Variants in GMIP observed in about 807,000 individuals in gnomAD.
GMIP encodes GEM-interacting protein.
In GMIP, 54 loss-of-function variants were observed where a neutral mutation model predicts 105.3. The ratio of observed to expected loss-of-function variants is 0.51; its 90% CI spans 0.41 to 0.64. The LOEUF is 0.64. Ranked by LOEUF, GMIP falls within the 30% of genes least tolerant of loss-of-function variation. GMIP has a pLI of 0.00. For synonymous variants in GMIP, 541 were observed against 560.8 expected, an observed-to-expected ratio of 0.96 and a Z score of 0.50; for missense variants, 1,110 against 1,319.4, an observed-to-expected ratio of 0.84 and a Z score of 2.46.
Position 19,637,052 on chromosome 19 carries a change from G to A in GMIP, c.1125-23C>T. The A allele has an allele frequency of 6.7e-7, 1 of 1,493,996 alleles. No homozygotes were observed. Among genetic ancestry groups the A allele is most frequent in the Non-Finnish European group, 9.1e-7 (1 of 1,094,056 alleles). The allele number at this position is 1,493,996 out of a possible 1,614,324, so 92.5% of individuals were successfully genotyped here. A position where few individuals can be genotyped will look rare whatever the true frequency, so the allele number is the denominator to read the frequency against. On this transcript the variant is annotated intron_variant, in intron 11 of 20. Coordinates refer to ENST00000203556, the MANE Select transcript of GMIP (RefSeq NM_016573.4). The surrounding 1 kb of genome is among the most constrained non-coding windows in gnomAD (Gnocchi z 6.7). ...GAGCTGAGAAGACAGAAGTTTGAAGGTTTGAATCCCAGGAAACTGGCCTGG... is the reference window on the plus strand; with the variant it reads ...GAGCTGAGAAGACAGAAGTTTGAAGATTTGAATCCCAGGAAACTGGCCTGG...
At chr19:19,631,870 C>T (rs1167040441) in intron 19 of GMIP, among the ~76,000 whole-genome samples, 2 of 151,924 alleles carry the variant, frequency 1.3e-5, no homozygotes, top group Non-Finnish European at 2.9e-5. Context: ...TGCCTGTAGT[C>T]CCAGCTACTT....
At position 19,635,363 on chromosome 19, in the gene GMIP, G is replaced by T; in HGVS notation, c.1560+52C>A. The T allele has an allele frequency of 6.3e-7, 1 of 1,585,182 alleles. No homozygotes were observed. The highest frequency in any genetic ancestry group is 2.2e-5 in the East Asian group (1 of 44,620). ...AAAGGCTGTAGGAATCTCAGGTCAG[G>T]GAGATGATCAAGGGTCAGCAAAGGT... On this transcript the variant is annotated intron_variant, in intron 15 of 20. Coordinates refer to ENST00000203556, the MANE Select transcript of GMIP (RefSeq NM_016573.4). The surrounding 1 kb of genome is among the most constrained non-coding windows in gnomAD (Gnocchi z 4.7).
rs751755099 is a variant in GMIP at position 19,630,179 on chromosome 19, G to C, written c.2697C>G (p.Pro899=). ...LVASKLCEET[P]ITSVPRGSLR... ...AACTCCCTCTGGGCACTGATGTGAT[G>C]GGGGTCTCCTCGCACAGCTTGGAAG... Residue 899 remains proline, a synonymous_variant, in exon 21 of 21, where the codon CCC becomes CCG. Transcript: ENST00000203556. The surrounding 1 kb of genome is among the most constrained non-coding windows in gnomAD (Gnocchi z 4.8). The C allele has an allele frequency of 5.0e-6, 8 of 1,603,588 alleles. No homozygotes were observed. Among genetic ancestry groups the C allele is most frequent in the Non-Finnish European group, 6.8e-6 (8 of 1,172,886 alleles).
rs745471038 is a variant in GMIP at position 19,630,279 on chromosome 19, C to A, written c.2597G>T (p.Ser866Ile). Residue 866 changes from serine (S) to isoleucine (I), a missense_variant, in exon 21 of 21, where the codon AGC (serine) becomes ATC (isoleucine). Ser to Ile is a moderately radical substitution (Grantham distance 142, BLOSUM62 -2). Coordinates refer to ENST00000203556, the MANE Select transcript of GMIP (RefSeq NM_016573.4). This position sits in a 1 kb window ranked among gnomAD's most constrained non-coding sequence, Gnocchi z 4.8. ...LLGTQSRGHFSRQPVKYPRGG... is the reference protein window; with the variant it reads ...LLGTQSRGHFIRQPVKYPRGG... ...CCGGGGATACTTCACTGGCTGGCGG[C>A]TGAAGTGGCCACGAGACTGTGTCCC... 2.6e-6 allele frequency: 4 copies of A among 1,549,612 alleles called. No homozygotes were observed. Among genetic ancestry groups the A allele is most frequent in the Non-Finnish European group, 3.5e-6 (4 of 1,146,188 alleles).
rs896286539 is a variant in GMIP, at chr19:19,642,906, C to T, written c.20-287G>A. ...TGCCCCAGATGCAACCAGGCTGTCC[C>T]GAGAAGAAAGCCGGTCTGACAATGG... is the stretch of plus-strand genomic sequence containing the variant. On this transcript the variant is annotated intron_variant, in intron 1 of 20. Coordinates refer to ENST00000203556, the MANE Select transcript of GMIP (RefSeq NM_016573.4). Among the ~76,000 whole-genome samples, 6 of 152,030 alleles carry T rather than the reference C, an allele frequency of 3.9e-5. No homozygotes were observed. In the South Asian group the frequency reaches 1.2e-3, roughly 32 times the overall value.
Position 19,634,630 on chromosome 19 carries a change from G to A in GMIP, c.1961C>T (p.Pro654Leu). The change falls in exon 18 of 21, where the codon CCT (proline) becomes CTT (leucine). Residue 654 changes from proline to leucine, a missense_variant. By Grantham distance (98) the Pro-to-Leu change is moderately conservative. Coordinates refer to ENST00000203556, the MANE Select transcript of GMIP (RefSeq NM_016573.4). This position sits in a 1 kb window ranked among gnomAD's most constrained non-coding sequence, Gnocchi z 6.1. ...ISLAKTLHAD[P>L]GDDPGTPSPS... is the part of the protein sequence containing the mutation. ...GCTGGGGGTCCCAGGGTCGTCCCCA[G>A]GGTCTGCATGCAAGGTCTTAGCCAG... 1 of 1,613,484 alleles carries A rather than the reference G, an allele frequency of 6.2e-7. No individual in the cohort carries two copies.
chr19:19,637,630 G>A lies in GMIP; in HGVS notation c.928-69C>T. 7.8e-7 allele frequency: 1 copy of A among 1,283,274 alleles called. No homozygotes were observed. Among genetic ancestry groups the A allele is most frequent in the Non-Finnish European group, 1.0e-6 (1 of 960,988 alleles). 79.5% of individuals were successfully genotyped at this position (1,283,274 alleles called of 1,614,324 possible). On this transcript the variant is annotated intron_variant, in intron 10 of 20. Transcript: ENST00000203556. This position sits in a 1 kb window ranked among gnomAD's most constrained non-coding sequence, Gnocchi z 6.7. Reference sequence around the variant, plus strand: ...AGCCTGGGGGCAGGGCCAGAGCTGGGGCGGGGCTTGAGAGACGCGAACGTG... The same window carrying A: ...AGCCTGGGGGCAGGGCCAGAGCTGGAGCGGGGCTTGAGAGACGCGAACGTG...
chr19:19,641,843 C>T lies in GMIP; in HGVS notation c.205G>A (p.Gly69Ser), dbSNP rs147136843. The part of the protein sequence containing the change: ...TVTNEASCWS[G>S]PSPEGPVPLT... The stretch of plus-strand genomic sequence containing the variant: ...GGTACAGGACCCTCTGGGGAGGGGC[C>T]GCTCCAACAGCTGGCTTCGTTGGTC... The change falls in exon 4 of 21, where the codon GGC (glycine) becomes AGC (serine). Residue 69 changes from glycine to serine, a missense_variant. Transcript: ENST00000203556. The T allele has an allele frequency of 8.0e-5, 129 of 1,612,834 alleles. No homozygotes were observed. The highest frequency in any genetic ancestry group is 1.3e-4 in the Admixed American group (8 of 59,984).
Position 19,638,147 on chromosome 19 carries a change from C to CCGGGTGCCCA in GMIP, c.789+2_789+11dup. The CCGGGTGCCCA allele has an allele frequency of 6.3e-7, 1 of 1,576,244 alleles. No individual in the cohort carries two copies. ...GCCACAGCGCTACAGGGGCTCGGGGCCGGGTGCCCACCTTGGCCTGGGCCT... is the reference window on the plus strand; with the variant it reads ...GCCACAGCGCTACAGGGGCTCGGGGCCGGGTGCCCACGGGTGCCCACCTTGGCCTGGGCCT... On this transcript the variant is annotated intron_variant, in intron 9 of 20. Transcript: ENST00000203556.
intron 2 of GMIP, 66 bp downstream of exon 2, chr19:19,642,469 C>T (rs181357896): frequency 3.5e-5 from 33 of 937,282 alleles, no homozygotes; most frequent in Non-Finnish European, 5.4e-5. Flanking sequence ...GACTGCAAGG[C>T]ACCTAAATGG....
In GMIP at chr19:19,634,953, GAC is replaced by G; in HGVS notation, c.1750-26_1750-25del. On this transcript the variant is annotated intron_variant, in intron 16 of 20. Transcript: ENST00000203556. The surrounding 1 kb of genome is among the most constrained non-coding windows in gnomAD (Gnocchi z 6.1). ...CCCTGCAGGGTGAGGGTGAAAAACA[GAC>G]ACCTGGTTCGTGATAGGCCATCGAT... is the stretch of plus-strand genomic sequence containing the variant. 1 of 1,613,840 alleles carries G rather than the reference GAC, an allele frequency of 6.2e-7. No individual in the cohort carries two copies. Among genetic ancestry groups the G allele is most frequent in the Non-Finnish European group, 8.5e-7 (1 of 1,179,896 alleles).
In GMIP at chr19:19,629,801, C is replaced by T. The variant is rs1329704809; in HGVS notation, c.*162G>A. 5.7e-6 allele frequency: 4 copies of T among 699,098 alleles called. No homozygotes were observed. The Admixed American group carries it at 1.2e-4, about 21-fold the overall frequency. The allele number at this position is 699,098 out of a possible 1,614,324, so 43.3% of individuals were successfully genotyped here. Reference sequence around the variant, plus strand: ...ATCCCCAAAAGGGTTTTAGGCCTCCCCTAGGTCATGTATTAAATAGTTTTT... The same window carrying T: ...ATCCCCAAAAGGGTTTTAGGCCTCCTCTAGGTCATGTATTAAATAGTTTTT... On this transcript the variant is annotated 3_prime_UTR_variant, in exon 21 of 21. Coordinates refer to ENST00000203556, the MANE Select transcript of GMIP (RefSeq NM_016573.4).
rs776687794 is a variant in GMIP, at chr19:19,637,909, A to G, written c.927+11T>C. The G allele has an allele frequency of 1.6e-5, 25 of 1,590,062 alleles. No individual in the cohort carries two copies. The highest frequency in any genetic ancestry group is 2.7e-5 in the African/African-American group (2 of 74,196). ...GGGTGAGGGGAGGATGGCCTTGGGG[A>G]TGGGCCTCACCCGCCTCAGCACTTC... On this transcript the variant is annotated intron_variant, in intron 10 of 20. Coordinates refer to ENST00000203556, the MANE Select transcript of GMIP (RefSeq NM_016573.4). This position sits in a 1 kb window ranked among gnomAD's most constrained non-coding sequence, Gnocchi z 6.7.
At position 19,633,942 on chromosome 19, in the gene GMIP, C is replaced by T. The variant is rs1196266397; in HGVS notation, c.2333G>A (p.Gly778Glu). Residue 778 changes from glycine to glutamate, a missense_variant, in exon 19 of 21, where the codon GGG becomes GAG. Coordinates refer to ENST00000203556, the MANE Select transcript of GMIP (RefSeq NM_016573.4). ...PPPQDSSPAP[G>E]PLTTSSQPPP... ...CGGTTGGGAGCTGGTTGTGAGGGGC[C>T]CAGGGGCTGGGCTGGAGTCTTGGGG... is the stretch of plus-strand genomic sequence containing the variant. 5 of 1,565,630 alleles carry T rather than the reference C, an allele frequency of 3.2e-6. No homozygotes were observed. The highest frequency in any genetic ancestry group is 1.8e-5 in the Admixed American group (1 of 56,162).
rs762588734 is a variant in GMIP, at chr19:19,640,279, G to T, written c.429+17C>A. 20 of 1,611,366 alleles carry T rather than the reference G, an allele frequency of 1.2e-5. No homozygotes were observed. Among genetic ancestry groups the T allele is most frequent in the South Asian group, 2.2e-5 (2 of 91,030 alleles). The stretch of plus-strand genomic sequence containing the variant: ...CTAGGGGGCTTGGGCTCTCCGGGGG[G>T]GTCTGGTCATGACTACCTGCTGTTG... On this transcript the variant is annotated intron_variant, in intron 6 of 20. Transcript: ENST00000203556.
intron 19 of GMIP, among the ~76,000 whole-genome samples, chr19:19,631,987 C>CAA (rs1167199239): frequency 1.9e-5 from 2 of 105,086 alleles, no homozygotes; most frequent in Admixed American, 1.1e-4. Flanking sequence ...GACTCCATCT[C>CAA]AAAAAAAAAA....
rs758493292 is a variant in GMIP at position 19,638,466 on chromosome 19, C to T, written c.554G>A (p.Arg185Gln). Residue 185 changes from arginine to glutamine, a missense_variant, in exon 8 of 21, where the codon CGG becomes CAG. By Grantham distance (43) the Arg-to-Gln change is conservative (BLOSUM62 1). Around this residue, in one of 3 missense-constraint regions of GMIP, gnomAD observed 667 missense variants for 773.2 expected, o/e 0.86. Transcript: ENST00000203556. ...RDYYQPLAAK[R>Q]TEIEKWRKEF... ...CTTCCGCCACTTCTCAATCTCAGTC[C>T]GTTTGGCGGCGAGGGGCTGGCAAGG... The T allele has an allele frequency of 1.2e-5, 19 of 1,613,890 alleles. No individual in the cohort carries two copies. The highest frequency in any genetic ancestry group is 1.5e-5 in the Non-Finnish European group (18 of 1,179,996).
In GMIP at chr19:19,630,509, T is replaced by C. The variant is rs1401467253; in HGVS notation, c.2501A>G (p.Glu834Gly). The C allele has an allele frequency of 6.2e-7, 1 of 1,613,854 alleles. No individual in the cohort carries two copies. Among genetic ancestry groups the C allele is most frequent in the Non-Finnish European group, 8.5e-7 (1 of 1,179,910 alleles). The change falls in exon 20 of 21, where the codon GAG (glutamate) becomes GGG (glycine). Residue 834 changes from glutamate to glycine, a missense_variant. Physicochemically the swap from Glu to Gly is moderately conservative, Grantham distance 98. This residue lies in a region of GMIP where 394 missense variants were observed against 450.5 expected (regional missense o/e 0.87). Coordinates refer to ENST00000203556, the MANE Select transcript of GMIP (RefSeq NM_016573.4). This position sits in a 1 kb window ranked among gnomAD's most constrained non-coding sequence, Gnocchi z 4.8. The part of the protein sequence containing the change: ...EIPTPQSDQR[E>G]DVAEDTKDGG... ...ATCTTTGGTGTCTTCAGCCACGTCC[T>C]CTCTCTGGTCACTCTGTGGAGTTGG...
In GMIP at chr19:19,634,139, A is replaced by C; in HGVS notation, c.2136T>G (p.Ile712Met). Residue 712 changes from isoleucine to methionine, a missense_variant, in exon 19 of 21, where the codon ATT (isoleucine) becomes ATG (methionine). Physicochemically the swap from Ile to Met is conservative, Grantham distance 10. This residue lies in a region of GMIP where 394 missense variants were observed against 450.5 expected (regional missense o/e 0.87). Transcript: ENST00000203556. This position sits in a 1 kb window ranked among gnomAD's most constrained non-coding sequence, Gnocchi z 6.1. ...ENKMSANNLGIVFGPTLLRPP... is the reference protein window; with the variant it reads ...ENKMSANNLGMVFGPTLLRPP... ...GCCGCAGCAGTGTCGGCCCAAACACAATGCCCAGGTTGTTGGCAGACATCT... is the reference window on the plus strand; with the variant it reads ...GCCGCAGCAGTGTCGGCCCAAACACCATGCCCAGGTTGTTGGCAGACATCT... The C allele has an allele frequency of 6.2e-7, 1 of 1,610,582 alleles. No individual in the cohort carries two copies. Among genetic ancestry groups the C allele is most frequent in the Non-Finnish European group, 8.5e-7 (1 of 1,178,026 alleles).
Sources: allele counts gnomAD v4.1 joint callset (sites outside exome capture counted in the v4.1 genomes callset), GRCh38; gene constraint gnomAD v4.1.1; regional missense constraint gnomAD v4.1.1; non-coding constraint Gnocchi (gnomAD v3.1); transcripts MANE v1.5; gene names NCBI Gene and HGNC (gene_info 2026-07-23, HGNC 2026-07-21).